NGEF: variants seen among roughly 807,000 people sequenced by gnomAD.
NGEF encodes the protein ephexin-1.
NGEF carries 31 observed loss-of-function variants against 80.9 expected under a neutral mutation model. That is an observed-to-expected ratio of 0.38 (90% CI 0.29 to 0.52). The LOEUF (loss-of-function observed/expected upper bound fraction) is 0.52, where lower values mean the gene tolerates loss of function less well. Among genes scored for constraint, NGEF ranks in the 20% least tolerant of loss-of-function variants. The pLI is 0.84. For synonymous variants in NGEF, 371 were observed against 370.2 expected (o/e 1.00, Z -0.03); for missense variants, 709 against 926.2 (o/e 0.77, Z 3.04).
chr2:232,978,600 A>G (rs1694344756), intron 1 of NGEF, among the ~76,000 whole-genome samples: 1 of 152,120 alleles, frequency 6.6e-6, no homozygotes, highest in South Asian at 2.1e-4. Flanking sequence ...AGTGCATGTA[A>G]CCACCACCAC....
chr2:232,887,824 G>A (rs1691741822), intron 9 of NGEF, among the ~76,000 whole-genome samples: 1 of 152,212 alleles, frequency 6.6e-6, no homozygotes, highest in Admixed American at 6.5e-5. Context: ...CTGGAGCCAG[G>A]AAGCAGGGTA....
At chr2:232,887,950 A>G in intron 9 of NGEF, 83 bp downstream of exon 9, 5 of 1,016,620 alleles carry the variant, frequency 4.9e-6, no homozygotes, top group Non-Finnish European at 1.6e-6. Flanking sequence ...ACACACGGAC[A>G]TGTGGGGAGC....
chr2:232,995,376 C>CTGTGT lies in NGEF; in HGVS notation c.-75+17691_-75+17692insACACA, dbSNP rs1694788942. Among the ~76,000 whole-genome samples, 10 of 7,394 alleles carry CTGTGT rather than the reference C, an allele frequency of 1.4e-3. 5 individuals carry two copies. Among genetic ancestry groups the CTGTGT allele is most frequent in the African/African-American group, 7.4e-3 (10 of 1,354 alleles). The allele number at this position is 7,394 out of a possible 152,430, so 4.9% of individuals were successfully genotyped here. ...GTATACTGTATACTGTATATATATA[C>CTGTGT]ACAGTATGTATACTGTATACTGTAT... On this transcript the variant is annotated intron_variant, in intron 1 of 14. Coordinates refer to ENST00000264051, the MANE Select transcript of NGEF (RefSeq NM_019850.3).
chr2:233,000,130 C>T lies in NGEF; in HGVS notation c.-75+12938G>A, dbSNP rs531937145. On this transcript the variant is annotated intron_variant, in intron 1 of 14. Coordinates refer to ENST00000264051, the MANE Select transcript of NGEF (RefSeq NM_019850.3). Reference sequence around the variant, plus strand: ...CCTTCTCTCTATGTCCTCACTGGGCCTTTCACCCACGCTGGAGGGCAGTGG... The same window carrying T: ...CCTTCTCTCTATGTCCTCACTGGGCTTTTCACCCACGCTGGAGGGCAGTGG... 5.3e-5 allele frequency among the ~76,000 whole-genome samples: 8 copies of T among 152,272 alleles called. 1 individual carries two copies. The Middle Eastern group carries it at 0.024, about 453-fold the overall frequency.
intron 2 of NGEF, 108 bp from the exon 3 acceptor site, chr2:232,970,436 A>G: frequency 1.4e-6 from 1 of 712,646 alleles, no homozygotes; most frequent in South Asian, 1.7e-5. Flanking sequence ...AAGGTGGAGG[A>G]AGCAGAGTGG....
intron 5 of NGEF, among the ~76,000 whole-genome samples, chr2:232,918,261 C>G (rs772395202): frequency 2.0e-5 from 3 of 151,930 alleles, no homozygotes; most frequent in Non-Finnish European, 4.4e-5. Context: ...CCTGGCTTAC[C>G]TGGCTAATTT....
chr2:232,889,437 G>A (rs1427901437), intron 8 of NGEF, among the ~76,000 whole-genome samples: 1 of 152,042 alleles, frequency 6.6e-6, no homozygotes, highest in Non-Finnish European at 1.5e-5. Flanking sequence ...CCTTCCCTGA[G>A]TGCCCACCCC....
At chr2:232,969,971 C>A (rs764959564) in intron 3 of NGEF, 54 of 230,814 alleles carry the variant, frequency 2.3e-4, no homozygotes, top group Admixed American at 5.2e-4. Flanking sequence ...TTGAGGCCAG[C>A]CTGGGTAACA....
chr2:232,941,366 C>T (rs955162418), intron 3 of NGEF, among the ~76,000 whole-genome samples: 1 of 152,186 alleles, frequency 6.6e-6, no homozygotes, highest in Admixed American at 6.5e-5. Flanking sequence ...GCTGCAAAGG[C>T]AGTCTAGTCC....
Position 232,900,422 on chromosome 2 carries a change from TTACATGCTCTCACAGTCACTCATA to T in NGEF, c.829-5530_829-5507del, listed in dbSNP as rs1692292168. On this transcript the variant is annotated intron_variant, in intron 5 of 14. Coordinates refer to ENST00000264051, the MANE Select transcript of NGEF (RefSeq NM_019850.3). ...CATATACACGTTCACTCACATTCACTTACATGCTCTCACAGTCACTCATATACACGTTCACTCACATTCACTCAC... is the reference window on the plus strand; with the variant it reads ...CATATACACGTTCACTCACATTCACTTACACGTTCACTCACATTCACTCAC... Among the ~76,000 whole-genome samples, 2 of 36,804 alleles carry T rather than the reference TTACATGCTCTCACAGTCACTCATA, an allele frequency of 5.4e-5. 1 individual carries two copies. The highest frequency in any genetic ancestry group is 1.0e-4 in the Non-Finnish European group (2 of 19,272). 24.1% of individuals were successfully genotyped at this position (36,804 alleles called of 152,430 possible). A position where few individuals can be genotyped will look rare whatever the true frequency, so the allele number is the denominator to read the frequency against.
chr2:232,900,942 G>GCGC (rs1692334873), intron 5 of NGEF, among the ~76,000 whole-genome samples: 2 of 152,112 alleles, frequency 1.3e-5, no homozygotes, highest in African/African-American at 4.8e-5. Flanking sequence ...GGTGACGTCC[G>GCGC]GCGGCCTCAG....
At chr2:232,903,163 C>A (rs1189843052) in intron 5 of NGEF, among the ~76,000 whole-genome samples, 1 of 152,210 alleles carries the variant, frequency 6.6e-6, no homozygotes, top group African/African-American at 2.4e-5. Context: ...GAACATTTAA[C>A]CTTTCACCCA....
chr2:232,891,620 G>GC (rs1691887833), intron 7 of NGEF, 133 bp from the exon 8 acceptor site: 10 of 1,050,240 alleles, frequency 9.5e-6, no homozygotes, highest in Admixed American at 9.1e-5. Flanking sequence ...TTCTTTCTTT[G>GC]TTTTTTTTCA....
intron 5 of NGEF, among the ~76,000 whole-genome samples, chr2:232,910,486 C>G (rs1341529256): frequency 6.6e-6 from 1 of 151,984 alleles, no homozygotes; most frequent in Non-Finnish European, 1.5e-5. Context: ...GGGTTGGGGA[C>G]CCCTGTGCTA....
chr2:232,879,305 G>A lies in NGEF; in HGVS notation c.*184C>T, dbSNP rs528922250. 4.9e-5 allele frequency: 29 copies of A among 595,118 alleles called. No homozygotes were observed. In the South Asian group the frequency reaches 6.4e-4, roughly 13 times the overall value. 36.9% of individuals were successfully genotyped at this position (595,118 alleles called of 1,614,324 possible). ...GAGAGGCTTGGGCACCCTTTATCCA[G>A]TTTGCGAGCAAGGGGCCAAGACACA... On this transcript the variant is annotated 3_prime_UTR_variant, in exon 15 of 15. Transcript: ENST00000264051.
At chr2:232,902,958 C>A (rs1692398122) in intron 5 of NGEF, among the ~76,000 whole-genome samples, 1 of 152,292 alleles carries the variant, frequency 6.6e-6, no homozygotes, top group Non-Finnish European at 1.5e-5. Context: ...CGCGCCACTG[C>A]ACTCCAGCAT....
rs145657143 is a variant in NGEF at position 232,950,870 on chromosome 2, G to A, written c.383+19344C>T. Among the ~76,000 whole-genome samples the A allele has an allele frequency of 1.8e-3, 235 of 133,850 alleles. 1 individual carries two copies. Among genetic ancestry groups the A allele is most frequent in the African/African-American group, 6.0e-3 (225 of 37,260 alleles). The allele number at this position is 133,850 out of a possible 152,430, so 87.8% of individuals were successfully genotyped here. A position where few individuals can be genotyped will look rare whatever the true frequency, so the allele number is the denominator to read the frequency against. On this transcript the variant is annotated intron_variant, in intron 3 of 14. Coordinates refer to ENST00000264051, the MANE Select transcript of NGEF (RefSeq NM_019850.3). ...TAACATATGGTTGACTTCACCACAT[G>A]CTTCAGAAAAAAAACATGGAAGGGG...
At chr2:232,881,051 G>T in intron 14 of NGEF, 95 bp downstream of exon 14, 1 of 950,542 alleles carries the variant, frequency 1.1e-6, no homozygotes, top group Non-Finnish European at 1.7e-6. Flanking sequence ...ACACCAGCCT[G>T]TCAGACAGTG....
At chr2:232,901,409 G>A (rs1483936651) in intron 5 of NGEF, 6 of 985,496 alleles carry the variant, frequency 6.1e-6, no homozygotes, top group South Asian at 4.7e-5. Context: ...CCTCTGGGCC[G>A]TGCATTCCAG....
Sources: gnomAD v4.1 joint callset for allele counts (sites outside exome capture counted in the v4.1 genomes callset) on GRCh38, gnomAD v4.1.1 for gene constraint, MANE v1.5 for transcripts, NCBI Gene and HGNC (gene_info 2026-07-23, HGNC 2026-07-21) for gene names.